The following TEK variants were observed in gnomAD, a reference collection of about 807,000 sequenced individuals.
TEK encodes TEK receptor tyrosine kinase.
A neutral mutation model predicts 131.8 loss-of-function variants in TEK; 43 were observed. The observed-to-expected ratio is 0.33, with a 90% CI of 0.26 to 0.42. The LOEUF (loss-of-function observed/expected upper bound fraction) is 0.42. Among genes scored for constraint, TEK ranks in the 10% least tolerant of loss-of-function variants. TEK has a pLI of 1.00. For synonymous variants in TEK, 580 were observed against 491.6 expected, an observed-to-expected ratio of 1.18 and a Z score of -2.38; for missense variants, 1,162 against 1,384.4, an observed-to-expected ratio of 0.84 and a Z score of 2.55.
intron 13 of TEK, 63 bp downstream of exon 13, chr9:27,203,182 T>A: frequency 6.4e-7 from 1 of 1,571,346 alleles, no homozygotes; most frequent in Non-Finnish European, 8.8e-7. Flanking sequence ...AGCTGGTTTA[T>A]CAGGACAGGC....
intron 13 of TEK, 26 bp downstream of exon 13, chr9:27,203,145 A>G: frequency 1.2e-6 from 2 of 1,612,992 alleles, no homozygotes; most frequent in Non-Finnish European, 1.7e-6. Flanking sequence ...AAGTATTTAC[A>G]TAGGATTACC....
In TEK at chr9:27,174,556, T is replaced by A. The variant is rs1824092457; in HGVS notation, c.901+1194T>A. 3.9e-5 allele frequency among the ~76,000 whole-genome samples: 6 copies of A among 152,314 alleles called. No individual in the cohort carries two copies. The South Asian group carries it at 1.2e-3, about 32-fold the overall frequency. On this transcript the variant is annotated intron_variant, in intron 6 of 22. Transcript: ENST00000380036. ...TCATAGTAAGTCTTTGAAATTTCAG[T>A]TTGGACTAGCTATATTTTAAGAGTT...
intron 1 of TEK, among the ~76,000 whole-genome samples, chr9:27,119,248 T>C (rs1821689767): frequency 6.6e-6 from 1 of 152,192 alleles, no homozygotes; most frequent in Non-Finnish European, 1.5e-5. Flanking sequence ...TAGTGTTTCA[T>C]GGTCACCTCA....
chr9:27,196,750 C>T (rs978844685), intron 11 of TEK, among the ~76,000 whole-genome samples: 3 of 122,532 alleles, frequency 2.4e-5, no homozygotes, highest in African/African-American at 9.6e-5. Flanking sequence ...TGAGGGGGGG[C>T]GGTGCTATAC....
At chr9:27,219,755 TAA>T (rs1825985088) in intron 20 of TEK, among the ~76,000 whole-genome samples, 1 of 139,256 alleles carries the variant, frequency 7.2e-6, no homozygotes, top group Admixed American at 7.1e-5. Context: ...ATTGGTATAA[TAA>T]AGGTTAATCT....
chr9:27,110,142 C>A (rs1192344169), intron 1 of TEK, among the ~76,000 whole-genome samples: 1 of 146,934 alleles, frequency 6.8e-6, no homozygotes, highest in African/African-American at 2.5e-5. Context: ...TATCTACATC[C>A]TATTTTAAGC....
At chr9:27,132,690 A>G (rs532702306) in intron 1 of TEK, among the ~76,000 whole-genome samples, 1 of 152,358 alleles carries the variant, frequency 6.6e-6, no homozygotes, top group East Asian at 1.9e-4. Flanking sequence ...TGTGTGCTTT[A>G]GCTTCCTTAA....
intron 1 of TEK, among the ~76,000 whole-genome samples, chr9:27,138,955 A>T (rs1822610671): frequency 6.6e-6 from 1 of 152,132 alleles, no homozygotes; most frequent in Non-Finnish European, 1.5e-5. Flanking sequence ...CAAGCCTGTA[A>T]TCCCAGCACT....
At chr9:27,229,012 A>G in intron 22 of TEK, 146 bp from the exon 23 acceptor site, 1 of 747,044 alleles carries the variant, frequency 1.3e-6, no homozygotes, top group Non-Finnish European at 2.4e-6. Flanking sequence ...CAAATACAAC[A>G]GAGGGACTGA....
intron 21 of TEK, among the ~76,000 whole-genome samples, chr9:27,220,555 T>G (rs373036157): frequency 6.6e-6 from 1 of 152,128 alleles, no homozygotes; most frequent in Non-Finnish European, 1.5e-5. Context: ...CAACTCCCAG[T>G]GAGATCAACG....
intron 1 of TEK, among the ~76,000 whole-genome samples, chr9:27,134,984 G>A (rs866653752): frequency 6.6e-6 from 1 of 152,086 alleles, no homozygotes; most frequent in Non-Finnish European, 1.5e-5. Flanking sequence ...CAGCACTTTC[G>A]GAGGCTGAGG....
intron 2 of TEK, 127 bp downstream of exon 2, chr9:27,158,269 G>T: frequency 8.8e-7 from 1 of 1,134,888 alleles, no homozygotes; most frequent in South Asian, 1.3e-5. Context: ...GATCTTGCCT[G>T]TCTCTTTCCA....
intron 10 of TEK, chr9:27,191,896 A>G (rs1265881735): frequency 6.6e-6 from 3 of 451,934 alleles, no homozygotes; most frequent in African/African-American, 2.0e-5. Flanking sequence ...GTAGGAATTT[A>G]TCATATGATA....
intron 1 of TEK, among the ~76,000 whole-genome samples, chr9:27,129,370 G>A (rs1822123413): frequency 6.6e-6 from 1 of 152,142 alleles, no homozygotes; most frequent in Non-Finnish European, 1.5e-5. Context: ...ATATCTCTCT[G>A]TTCTTATGAC....
chr9:27,136,316 G>T (rs190864239), intron 1 of TEK, among the ~76,000 whole-genome samples: 94 of 152,186 alleles, frequency 6.2e-4, no homozygotes, highest in African/African-American at 2.1e-3. Flanking sequence ...ACCTGAACTC[G>T]TGATCCACCC....
intron 1 of TEK, among the ~76,000 whole-genome samples, chr9:27,148,980 T>G (rs1291317487): frequency 1.3e-5 from 2 of 152,220 alleles, no homozygotes; most frequent in Non-Finnish European, 2.9e-5. Context: ...ATGGCCAGAA[T>G]GTAAGCTTTT....
At chr9:27,138,763 G>C (rs1194044857) in intron 1 of TEK, among the ~76,000 whole-genome samples, 1 of 152,128 alleles carries the variant, frequency 6.6e-6, no homozygotes, top group African/African-American at 2.4e-5. Flanking sequence ...TAAACAGATG[G>C]GTCCAACTTT....
chr9:27,133,945 C>G (rs928435803), intron 1 of TEK, among the ~76,000 whole-genome samples: 2 of 152,164 alleles, frequency 1.3e-5, no homozygotes, highest in Non-Finnish European at 2.9e-5. Context: ...GGATAGGTGT[C>G]CTGTGTGAGG....
intron 1 of TEK, among the ~76,000 whole-genome samples, chr9:27,112,108 AG>A (rs1387078641): frequency 3.3e-5 from 5 of 152,138 alleles, no homozygotes; most frequent in African/African-American, 9.7e-5. Flanking sequence ...CATGTTGGCC[AG>A]GCTGGTCTCG....
Sources: gnomAD v4.1 joint callset for allele counts (sites outside exome capture counted in the v4.1 genomes callset) on GRCh38, gnomAD v4.1.1 for gene constraint, MANE v1.5 for transcripts, NCBI Gene and HGNC (gene_info 2026-07-23, HGNC 2026-07-21) for gene names.